Variants in ELFN1 observed in about 807,000 individuals in gnomAD.
ELFN1 encodes protein ELFN1.
In ELFN1, 6 loss-of-function variants were observed where a neutral mutation model predicts 7.6. The ratio of observed to expected loss-of-function variants is 0.79; its 90% CI spans 0.43 to 1.56. The LOEUF (loss-of-function observed/expected upper bound fraction) is 1.56, where lower values mean the gene tolerates loss of function less well. Among genes scored for constraint, ELFN1 ranks in the 40% most tolerant of loss-of-function variants. The probability of loss-of-function intolerance (pLI) is 0.01; values close to 1 mark genes in which losing one functional copy is unlikely to be tolerated. For synonymous variants in ELFN1, 657 were observed against 588.1 expected (o/e 1.12, Z -1.70); for missense variants, 1,169 against 1,232.2 (o/e 0.95, Z 0.77).
chr7:1,713,230 C>G (rs896637090), intron 3 of ELFN1, among the ~76,000 whole-genome samples: 1 of 152,186 alleles, frequency 6.6e-6, no homozygotes, highest in African/African-American at 2.4e-5. Flanking sequence ...CCTCAGAGCC[C>G]GGCAGGTGGG....
rs563547927 is a variant in ELFN1, at chr7:1,742,010, G to A, written c.-293-2294G>A. Among the ~76,000 whole-genome samples the A allele has an allele frequency of 5.3e-5, 8 of 152,242 alleles. No homozygotes were observed. The South Asian group carries it at 1.0e-3, about 20-fold the overall frequency. ...CTGGCACACACATACGAGGGCTCAC[G>A]TGTACAAACACGTGTGTGGGTGGAC... On this transcript the variant is annotated intron_variant, in intron 3 of 3. Transcript: ENST00000424383.
At chr7:1,736,408 C>T (rs1780442900) in intron 3 of ELFN1, among the ~76,000 whole-genome samples, 1 of 152,176 alleles carries the variant, frequency 6.6e-6, no homozygotes, top group Admixed American at 6.5e-5. Context: ...ATGATCGAGA[C>T]GAGGAACAAT....
At chr7:1,701,428 G>C (rs1779426704) in intron 2 of ELFN1, among the ~76,000 whole-genome samples, 1 of 152,142 alleles carries the variant, frequency 6.6e-6, no homozygotes, top group Admixed American at 6.6e-5. Context: ...ATTTTTACGA[G>C]CAGAAATTCT....
rs370334516 is a variant in ELFN1, at chr7:1,746,981, C to T, written c.2385C>T (p.Ala795=). 32 of 1,559,370 alleles carry T rather than the reference C, an allele frequency of 2.1e-5. No individual in the cohort carries two copies. The highest frequency in any genetic ancestry group is 4.1e-5 in the African/African-American group (3 of 73,252). ...ACAAGGAGGAAGAGGAGTTCATGGC[C>T]GCGGGCCATGCCCTGCGCAAGAAGG... ...RRHKEEEEFM[A]AGHALRKKVQ... Residue 795 remains alanine, a synonymous_variant, in exon 4 of 4, where the codon GCC becomes GCT. Coordinates refer to ENST00000424383, the MANE Select transcript of ELFN1 (RefSeq NM_001128636.4).
intron 3 of ELFN1, among the ~76,000 whole-genome samples, chr7:1,731,578 C>T (rs1309366575): frequency 2.6e-5 from 4 of 152,164 alleles, no homozygotes; most frequent in South Asian, 2.1e-4. Context: ...CACCATTATA[C>T]GGGGAAACAG....
At chr7:1,702,615 G>A (rs1296545126) in intron 2 of ELFN1, among the ~76,000 whole-genome samples, 1 of 150,834 alleles carries the variant, frequency 6.6e-6, no homozygotes, top group Non-Finnish European at 1.5e-5. Flanking sequence ...GACTGTTGAT[G>A]TTTCATAAAT....
chr7:1,672,730 T>TC (rs1007569211), intron 1 of ELFN1, among the ~76,000 whole-genome samples: 5 of 151,596 alleles, frequency 3.3e-5, no homozygotes, highest in South Asian at 2.1e-4. Context: ...CAGGATCCCT[T>TC]CCCCCCCGAC....
intron 3 of ELFN1, among the ~76,000 whole-genome samples, chr7:1,729,644 C>T (rs991096982): frequency 2.6e-5 from 4 of 152,168 alleles, no homozygotes; most frequent in Admixed American, 6.5e-5. Context: ...CAGATTCAGG[C>T]GTGCTGAGCT....
chr7:1,737,664 T>C (rs1053293501), intron 3 of ELFN1, among the ~76,000 whole-genome samples: 7 of 152,118 alleles, frequency 4.6e-5, no homozygotes, highest in South Asian at 2.1e-4. Flanking sequence ...CCCGCAGCCC[T>C]GTCCTCTGCG....
chr7:1,744,383 G>A lies in ELFN1; in HGVS notation c.-214G>A. The A allele has an allele frequency of 1.8e-6, 1 of 557,522 alleles. No individual in the cohort carries two copies. 34.5% of individuals were successfully genotyped at this position (557,522 alleles called of 1,614,324 possible). On this transcript the variant is annotated 5_prime_UTR_variant, in exon 4 of 4. Transcript: ENST00000424383. ...GGGGCAGGAGGCCTCGGTCACCACA[G>A]GACTGGGGCGGAAGACGAGAGGCGG...
chr7:1,707,987 G>A (rs567937007), intron 2 of ELFN1, among the ~76,000 whole-genome samples: 37 of 152,144 alleles, frequency 2.4e-4, no homozygotes, highest in South Asian at 6.2e-4. Flanking sequence ...CCAGGGGCGC[G>A]GATGCGGCAG....
chr7:1,731,233 C>A (rs1011847265), intron 3 of ELFN1, among the ~76,000 whole-genome samples: 7 of 152,128 alleles, frequency 4.6e-5, no homozygotes, highest in Admixed American at 1.3e-4. Flanking sequence ...AGAATTAATT[C>A]ACAGGTTTAC....
intron 2 of ELFN1, among the ~76,000 whole-genome samples, chr7:1,707,986 C>T (rs1011446056): frequency 6.6e-5 from 10 of 152,162 alleles, no homozygotes; most frequent in African/African-American, 9.7e-5. Context: ...TCCAGGGGCG[C>T]GGATGCGGCA....
At chr7:1,708,848 C>T (rs1779592008) in intron 2 of ELFN1, among the ~76,000 whole-genome samples, 1 of 152,176 alleles carries the variant, frequency 6.6e-6, no homozygotes, top group Non-Finnish European at 1.5e-5. Context: ...TCATATCTTG[C>T]ATCTGCTGTT....
intron 2 of ELFN1, among the ~76,000 whole-genome samples, chr7:1,696,603 A>G (rs1583330110): frequency 6.6e-6 from 1 of 152,034 alleles, no homozygotes; most frequent in East Asian, 1.9e-4. Flanking sequence ...GAGTTTCGCT[A>G]TGTTGCCCAG....
At chr7:1,717,389 G>T (rs536245926) in intron 3 of ELFN1, among the ~76,000 whole-genome samples, 1 of 152,206 alleles carries the variant, frequency 6.6e-6, no homozygotes, top group Non-Finnish European at 1.5e-5. Context: ...TCAGTGGGCC[G>T]CAGTTCCAGG....
intron 1 of ELFN1, among the ~76,000 whole-genome samples, chr7:1,672,923 C>T (rs4720902): frequency 0.033 from 5,022 of 151,304 alleles, 112 homozygotes; most frequent in Non-Finnish European, 0.054. Context: ...ACGAGGGGGC[C>T]GGTGGCGGGG....
At position 1,746,068 on chromosome 7, in the gene ELFN1, C is replaced by T; in HGVS notation, c.1472C>T (p.Pro491Leu). ...APLSQGPLLGPEAVTRIPYLP... is the reference protein window; with the variant it reads ...APLSQGPLLGLEAVTRIPYLP... ...CTGTCCCAGGGCCCGCTGCTGGGCC[C>T]CGAGGCCGTGACGCGCATCCCTTAC... Residue 491 changes from proline (P) to leucine (L), a missense_variant, in exon 4 of 4, where the codon CCC (proline) becomes CTC (leucine). This residue lies in a region of ELFN1 where 914 missense variants were observed against 872.6 expected (regional missense o/e 1.05). Coordinates refer to ENST00000424383, the MANE Select transcript of ELFN1 (RefSeq NM_001128636.4). 1 of 1,547,090 alleles carries T rather than the reference C, an allele frequency of 6.5e-7. No individual in the cohort carries two copies. The highest frequency in any genetic ancestry group is 2.5e-5 in the East Asian group (1 of 40,798).
At chr7:1,691,946 G>A (rs1269219809) in intron 2 of ELFN1, 1 of 152,286 alleles carries the variant, frequency 6.6e-6, no homozygotes, top group Non-Finnish European at 1.5e-5. Context: ...CTGCATTCCT[G>A]ACCAGCAATG....
Sources: allele counts gnomAD v4.1 joint callset (sites outside exome capture counted in the v4.1 genomes callset), GRCh38; gene constraint gnomAD v4.1.1; regional missense constraint gnomAD v4.1.1; transcripts MANE v1.5; gene names NCBI Gene and HGNC (gene_info 2026-07-23, HGNC 2026-07-21).